The following PLA2G5 variants were observed in gnomAD, a reference collection of about 807,000 sequenced individuals.
The protein encoded by PLA2G5 is Ca2+-dependent phospholipase A2.
PLA2G5 carries 12 observed loss-of-function variants against 15.9 expected under a neutral mutation model. The observed-to-expected ratio is 0.76, with a 90% CI of 0.48 to 1.23. The LOEUF is 1.23. PLA2G5 is among the 50% of genes most tolerant of loss of function. The pLI, the probability that PLA2G5 is intolerant of heterozygous loss-of-function variation, is 0.00. For synonymous variants in PLA2G5, 71 were observed against 71.4 expected (o/e 0.99, Z 0.03); for missense variants, 169 against 177.1 (o/e 0.95, Z 0.26).
intron 1 of PLA2G5, among the ~76,000 whole-genome samples, chr1:20,048,142 G>T (rs1557729404): frequency 1.3e-5 from 2 of 151,912 alleles, no homozygotes; most frequent in Admixed American, 1.3e-4. Context: ...TAATTAATTG[G>T]CTTAAGAAAA....
intron 1 of PLA2G5, among the ~76,000 whole-genome samples, chr1:20,049,240 A>G (rs2014064636): frequency 1.3e-5 from 2 of 152,204 alleles, no homozygotes; most frequent in South Asian, 2.1e-4. Context: ...CATATCATGA[A>G]TGGTCTGTGT....
At chr1:20,089,406 C>A (rs1202722938) in intron 3 of PLA2G5, among the ~76,000 whole-genome samples, 1 of 152,188 alleles carries the variant, frequency 6.6e-6, no homozygotes, top group Non-Finnish European at 1.5e-5. Flanking sequence ...TTTGCTGGGT[C>A]ATCTCCATCC....
At chr1:20,039,832 T>C (rs1181146759) in intron 1 of PLA2G5, among the ~76,000 whole-genome samples, 1 of 152,184 alleles carries the variant, frequency 6.6e-6, no homozygotes, top group Non-Finnish European at 1.5e-5. Flanking sequence ...CCTTCAGCAT[T>C]AGCTTGGTCA....
chr1:20,051,460 T>A (rs923813209), intron 1 of PLA2G5, among the ~76,000 whole-genome samples: 3 of 152,232 alleles, frequency 2.0e-5, no homozygotes, highest in African/African-American at 7.2e-5. Flanking sequence ...CTTTGTTTTT[T>A]CAGAGTCAAG....
rs559920634 is a variant in PLA2G5 at position 20,036,239 on chromosome 1, A to G, written n.276+7530A>G. 1.2e-4 allele frequency among the ~76,000 whole-genome samples: 18 copies of G among 152,248 alleles called. No individual in the cohort carries two copies. The South Asian group carries it at 3.7e-3, about 32-fold the overall frequency. On this transcript the variant is annotated intron_variant and non_coding_transcript_variant, in intron 1 of 6. Transcript: ENST00000460175. Reference sequence around the variant, plus strand: ...TCTAGGTGATGATCTTTTTGTGATGAATTTCCTGGGTGTTCTTTGAGCTTT... The same window carrying G: ...TCTAGGTGATGATCTTTTTGTGATGGATTTCCTGGGTGTTCTTTGAGCTTT...
At chr1:20,040,179 A>G (rs1441566503) in intron 1 of PLA2G5, among the ~76,000 whole-genome samples, 2 of 152,168 alleles carry the variant, frequency 1.3e-5, no homozygotes, top group African/African-American at 2.4e-5. Flanking sequence ...ACCCTTTGCT[A>G]TAGTATAGTA....
chr1:20,072,373 T>C (rs768730403), intron 1 of PLA2G5, among the ~76,000 whole-genome samples: 3 of 152,200 alleles, frequency 2.0e-5, no homozygotes, highest in Non-Finnish European at 2.9e-5. Flanking sequence ...TGGCACATGA[T>C]ACGTGCTTGC....
intron 1 of PLA2G5, among the ~76,000 whole-genome samples, chr1:20,073,037 A>G (rs2015469908): frequency 6.6e-6 from 1 of 152,176 alleles, no homozygotes; most frequent in Admixed American, 6.5e-5. Context: ...TGAATTGTAG[A>G]TGATTCAGGC....
intron 1 of PLA2G5, among the ~76,000 whole-genome samples, chr1:20,049,980 C>T (rs574681489): frequency 4.6e-5 from 7 of 152,240 alleles, no homozygotes; most frequent in Non-Finnish European, 7.4e-5. Flanking sequence ...AAGGTCTAAA[C>T]GAAATGTTTT....
upstream of PLA2G5, among the ~76,000 whole-genome samples, chr1:20,066,425 T>C (rs2015031963): frequency 6.6e-6 from 1 of 152,246 alleles, no homozygotes; most frequent in Admixed American, 6.5e-5. Context: ...ACTTAACATT[T>C]CTTTTCCCAG....
chr1:20,060,244 CTTCTTT>C (rs1403710471), intron 2 of PLA2G5, among the ~76,000 whole-genome samples: 6 of 116,956 alleles, frequency 5.1e-5, no homozygotes, highest in Admixed American at 8.9e-5. Flanking sequence ...TTTCTTTTTT[CTTCTTT>C]TTTTTTTTTT....
At chr1:20,050,665 A>G (rs1185655770) in intron 1 of PLA2G5, among the ~76,000 whole-genome samples, 2 of 152,210 alleles carry the variant, frequency 1.3e-5, no homozygotes, top group African/African-American at 4.8e-5. Context: ...TAGGGTTTAT[A>G]GTTTGGAAAA....
intron 2 of PLA2G5, among the ~76,000 whole-genome samples, chr1:20,085,720 T>G (rs960818797): frequency 1.2e-4 from 19 of 152,238 alleles, no homozygotes; most frequent in Non-Finnish European, 2.8e-4. Context: ...TCTGCCACCG[T>G]GCTCAAAATT....
chr1:20,036,164 C>T (rs564096402), intron 1 of PLA2G5, among the ~76,000 whole-genome samples: 1 of 152,254 alleles, frequency 6.6e-6, no homozygotes, highest in South Asian at 2.1e-4. Context: ...CTTCACAGCT[C>T]TTAAGATTAT....
chr1:20,075,018 C>T (rs543884085), intron 1 of PLA2G5, among the ~76,000 whole-genome samples: 23 of 152,296 alleles, frequency 1.5e-4, no homozygotes, highest in African/African-American at 5.3e-4. Context: ...TAGGAACCCT[C>T]GTTCTGGGCA....
rs1437777835 is a variant in PLA2G5 at position 20,035,663 on chromosome 1, T to C, written n.276+6954T>C. On this transcript the variant is annotated intron_variant and non_coding_transcript_variant, in intron 1 of 6. Transcript: ENST00000460175. ...CAGCAGATACTTGATTGGTGAATTC[T>C]TATCTATTCCACCATTCTGTATCTT... Among the ~76,000 whole-genome samples, 8 of 152,248 alleles carry C rather than the reference T, an allele frequency of 5.3e-5. 1 individual carries two copies. The highest frequency in any genetic ancestry group is 5.2e-4 in the Admixed American group (8 of 15,284).
At chr1:20,088,921 C>T (rs2100642384) in intron 3 of PLA2G5, 1 of 152,274 alleles carries the variant, frequency 6.6e-6, no homozygotes, top group South Asian at 2.1e-4. Context: ...CCACCTCAGC[C>T]TCCTGAGTAG....
intron 1 of PLA2G5, chr1:20,070,961 G>C (rs1284826030): frequency 6.6e-6 from 1 of 152,176 alleles, no homozygotes; most frequent in Non-Finnish European, 1.5e-5. Context: ...TGCCCTTATA[G>C]GGAGATCTTT....
intron 1 of PLA2G5, among the ~76,000 whole-genome samples, chr1:20,036,154 C>G (rs1392626202): frequency 1.3e-5 from 2 of 152,270 alleles, no homozygotes; most frequent in East Asian, 3.9e-4. Context: ...GATACCTTTG[C>G]TTCACAGCTC....
Sources: gnomAD v4.1 joint callset for allele counts (sites outside exome capture counted in the v4.1 genomes callset) on GRCh38, gnomAD v4.1.1 for gene constraint, MANE v1.5 for transcripts, NCBI Gene and HGNC (gene_info 2026-07-23, HGNC 2026-07-21) for gene names.